TRABD2B: variants seen among roughly 807,000 people sequenced by gnomAD.
TRABD2B encodes TraB domain containing 2B.
Under a neutral mutation model 40.1 loss-of-function variants are expected in TRABD2B, and 14 were observed. The ratio of observed to expected loss-of-function variants is 0.35; its 90% CI spans 0.23 to 0.55. The LOEUF (loss-of-function observed/expected upper bound fraction) is 0.55. Ranked by LOEUF, TRABD2B falls within the 20% of genes least tolerant of loss-of-function variation. The pLI is 0.90. For missense variants in TRABD2B, 541 were observed against 648.6 expected (o/e 0.83, Z 1.80); for synonymous variants, 263 against 277.0 (o/e 0.95, Z 0.50).
intron 2 of TRABD2B, among the ~76,000 whole-genome samples, chr1:47,881,552 G>T (rs72894286): frequency 6.6e-6 from 1 of 152,070 alleles, no homozygotes; most frequent in African/African-American, 2.4e-5. Context: ...AAAGCTTTAC[G>T]CTAAGAAACA....
intron 4 of TRABD2B, among the ~76,000 whole-genome samples, chr1:47,788,547 G>GA (rs1644627543): frequency 6.6e-6 from 1 of 152,176 alleles, no homozygotes; most frequent in Non-Finnish European, 1.5e-5. Flanking sequence ...TGGAGCAGGT[G>GA]ACAGCAGTCC....
chr1:47,801,328 T>C (rs547289049), intron 3 of TRABD2B, 145 bp downstream of exon 3: 5 of 891,750 alleles, frequency 5.6e-6, no homozygotes, highest in Non-Finnish European at 8.3e-6. Context: ...TCTCTTCTCA[T>C]CTCTGAGCCT....
At chr1:47,797,815 A>C (rs1026246107) in intron 3 of TRABD2B, among the ~76,000 whole-genome samples, 2 of 152,216 alleles carry the variant, frequency 1.3e-5, no homozygotes, top group Non-Finnish European at 2.9e-5. Flanking sequence ...TGCAGGATGC[A>C]CAATGACATT....
chr1:47,960,267 G>A (rs1460105457), intron 2 of TRABD2B, among the ~76,000 whole-genome samples: 1 of 152,142 alleles, frequency 6.6e-6, no homozygotes, highest in East Asian at 1.9e-4. Flanking sequence ...CATACTGAAT[G>A]GGCAAAAACT....
chr1:47,970,601 C>G (rs1477227546), intron 2 of TRABD2B, among the ~76,000 whole-genome samples: 1 of 152,196 alleles, frequency 6.6e-6, no homozygotes, highest in African/African-American at 2.4e-5. Context: ...TACAAACCAC[C>G]CCAGGCCTCT....
chr1:47,776,074 C>G (rs571527198), intron 5 of TRABD2B, among the ~76,000 whole-genome samples: 18 of 152,050 alleles, frequency 1.2e-4, no homozygotes, highest in African/African-American at 4.1e-4. Flanking sequence ...TCACAGGGTA[C>G]TTCATCAGGA....
chr1:47,842,955 C>T (rs995515385), intron 2 of TRABD2B, among the ~76,000 whole-genome samples: 1 of 152,012 alleles, frequency 6.6e-6, no homozygotes, highest in Non-Finnish European at 1.5e-5. Flanking sequence ...ACTGAAGGGG[C>T]TAAGAGAGCT....
At chr1:47,857,226 G>A (rs1438851659) in intron 2 of TRABD2B, among the ~76,000 whole-genome samples, 3 of 152,102 alleles carry the variant, frequency 2.0e-5, no homozygotes, top group Non-Finnish European at 4.4e-5. Context: ...TCAGCCCCTG[G>A]GCCTTTAGTA....
chr1:47,803,550 G>A (rs1644851485), intron 2 of TRABD2B, among the ~76,000 whole-genome samples: 1 of 152,182 alleles, frequency 6.6e-6, no homozygotes, highest in South Asian at 2.1e-4. Context: ...AAGATCAGCA[G>A]AGACTATTCA....
intron 2 of TRABD2B, among the ~76,000 whole-genome samples, chr1:47,823,135 C>G (rs1420928540): frequency 6.6e-6 from 1 of 152,272 alleles, no homozygotes; most frequent in Non-Finnish European, 1.5e-5. Flanking sequence ...CATGCATCCC[C>G]TGGGACGCCA....
chr1:47,873,279 T>C (rs1385825833), intron 2 of TRABD2B, among the ~76,000 whole-genome samples: 1 of 152,158 alleles, frequency 6.6e-6, no homozygotes, highest in African/African-American at 2.4e-5. Flanking sequence ...GCACCTCCCA[T>C]GCTTAGAGCC....
intron 2 of TRABD2B, among the ~76,000 whole-genome samples, chr1:47,834,560 C>G (rs1168206752): frequency 6.9e-6 from 1 of 145,080 alleles, no homozygotes; most frequent in Non-Finnish European, 1.5e-5. Context: ...AGGATGTGCT[C>G]CAACACACAC....
chr1:47,874,429 C>T (rs1484418046), intron 2 of TRABD2B, among the ~76,000 whole-genome samples: 19 of 149,300 alleles, frequency 1.3e-4, no homozygotes, highest in Middle Eastern at 6.8e-3. Context: ...CCCGCCACCG[C>T]GCCCGGCTAA....
At chr1:47,783,446 T>C (rs1211529577) in intron 4 of TRABD2B, among the ~76,000 whole-genome samples, 1 of 152,152 alleles carries the variant, frequency 6.6e-6, no homozygotes, top group Non-Finnish European at 1.5e-5. Flanking sequence ...GAGGGGCTCA[T>C]GTATCCAGTC....
intron 2 of TRABD2B, among the ~76,000 whole-genome samples, chr1:47,948,382 C>T (rs187025970): frequency 7.2e-5 from 11 of 152,166 alleles, no homozygotes; most frequent in Non-Finnish European, 1.6e-4. Context: ...AACTGTCACC[C>T]CAGCAAACCT....
chr1:47,960,107 C>T (rs929923120), intron 2 of TRABD2B, among the ~76,000 whole-genome samples: 1 of 152,122 alleles, frequency 6.6e-6, no homozygotes, highest in African/African-American at 2.4e-5. Flanking sequence ...AACCAAAAGA[C>T]AAAAACCACA....
At chr1:47,942,051 T>A (rs78594540) in intron 2 of TRABD2B, among the ~76,000 whole-genome samples, 1 of 152,212 alleles carries the variant, frequency 6.6e-6, no homozygotes, top group Admixed American at 6.5e-5. Context: ...GTCTAATGAA[T>A]GACTAAACAC....
chr1:47,962,734 C>A (rs529742318), intron 2 of TRABD2B, among the ~76,000 whole-genome samples: 7 of 152,190 alleles, frequency 4.6e-5, no homozygotes, highest in Non-Finnish European at 7.4e-5. Context: ...GCACACAAAC[C>A]CAAGCAATTC....
intron 4 of TRABD2B, among the ~76,000 whole-genome samples, chr1:47,781,799 G>T (rs986350425): frequency 6.6e-6 from 1 of 152,122 alleles, no homozygotes; most frequent in Non-Finnish European, 1.5e-5. Flanking sequence ...CGGTTCCTGC[G>T]CTCCCGAGCC....
Sources: allele counts gnomAD v4.1 joint callset (sites outside exome capture counted in the v4.1 genomes callset), GRCh38; gene constraint gnomAD v4.1.1; transcripts MANE v1.5; gene names NCBI Gene and HGNC (gene_info 2026-07-23, HGNC 2026-07-21).